PCTP: variants seen among roughly 807,000 people sequenced by gnomAD.
PCTP encodes the protein START domain-containing protein 2.
Under a neutral mutation model 31.0 loss-of-function variants are expected in PCTP, and 27 were observed. The ratio of observed to expected loss-of-function variants is 0.87; its 90% confidence interval spans 0.64 to 1.20. The LOEUF is 1.20. Ranked by LOEUF, PCTP falls within the 50% of genes most tolerant of loss-of-function variation. The pLI, the probability that PCTP is intolerant of heterozygous loss-of-function variation, is 0.00. For missense variants in PCTP, 287 were observed against 268.2 expected (o/e 1.07, Z -0.49); for synonymous variants, 108 against 101.2 (o/e 1.07, Z -0.40).
intron 3 of PCTP, among the ~76,000 whole-genome samples, chr17:55,798,991 G>T (rs1024508874): frequency 6.6e-6 from 1 of 151,640 alleles, no homozygotes; most frequent in Non-Finnish European, 1.5e-5. Context: ...ATATATTTAT[G>T]TTAAATATTA....
intron 3 of PCTP, among the ~76,000 whole-genome samples, chr17:55,813,973 T>A (rs997190635): frequency 7.9e-5 from 12 of 151,632 alleles, no homozygotes; most frequent in Admixed American, 7.9e-4. Context: ...GCCTGGGAAG[T>A]CAAGGCTGCA....
chr17:55,792,912 A>G (rs139494524), intron 3 of PCTP, among the ~76,000 whole-genome samples: 12 of 152,174 alleles, frequency 7.9e-5, no homozygotes, highest in African/African-American at 2.9e-4. Context: ...GATTTTCTCA[A>G]TGGCTTTGCA....
At chr17:55,761,242 C>T (rs1021466979) in intron 1 of PCTP, among the ~76,000 whole-genome samples, 2 of 152,032 alleles carry the variant, frequency 1.3e-5, no homozygotes, top group African/African-American at 2.4e-5. Flanking sequence ...GAATATAAAA[C>T]GTTGGAAAGT....
intron 3 of PCTP, among the ~76,000 whole-genome samples, chr17:55,794,640 AT>A (rs1295684441): frequency 5.3e-5 from 8 of 152,098 alleles, no homozygotes; most frequent in Non-Finnish European, 1.0e-4. Context: ...AAAACTTGAA[AT>A]TAGAGGGCAA....
intron 3 of PCTP, among the ~76,000 whole-genome samples, chr17:55,799,652 C>T (rs1217723224): frequency 6.6e-6 from 1 of 152,062 alleles, no homozygotes; most frequent in Admixed American, 6.6e-5. Context: ...TTAGTTGATG[C>T]AGTTTCTTCA....
intron 3 of PCTP, among the ~76,000 whole-genome samples, chr17:55,819,446 T>G (rs907975056): frequency 1.3e-5 from 2 of 152,154 alleles, no homozygotes; most frequent in African/African-American, 4.8e-5. Flanking sequence ...GTTCCTGATA[T>G]AAAAATTTAC....
At chr17:55,791,204 A>G (rs1007117742) in intron 3 of PCTP, among the ~76,000 whole-genome samples, 2 of 152,082 alleles carry the variant, frequency 1.3e-5, no homozygotes, top group Non-Finnish European at 2.9e-5. Context: ...TAAAAACCCT[A>G]GAAGAAAACC....
chr17:55,824,094 A>G (rs1270795516), downstream of PCTP, among the ~76,000 whole-genome samples: 2 of 152,072 alleles, frequency 1.3e-5, no homozygotes, highest in Non-Finnish European at 2.9e-5. Flanking sequence ...TTCTTCCCAT[A>G]CATTCACTCA....
chr17:55,835,375 C>G (rs1226339318), intron 5 of PCTP, among the ~76,000 whole-genome samples: 1 of 152,210 alleles, frequency 6.6e-6, no homozygotes, highest in Non-Finnish European at 1.5e-5. Context: ...TGCAGTCCCA[C>G]TTTTCCTAGC....
chr17:55,767,166 T>A (rs1483434491), intron 1 of PCTP, among the ~76,000 whole-genome samples, 169 bp from the exon 2 acceptor site: 1 of 152,184 alleles, frequency 6.6e-6, no homozygotes, highest in Non-Finnish European at 1.5e-5. Flanking sequence ...ATATTAGCCC[T>A]TTGTCAGATG....
chr17:55,757,836 G>T (rs957808878), intron 1 of PCTP, among the ~76,000 whole-genome samples: 4 of 152,134 alleles, frequency 2.6e-5, no homozygotes, highest in African/African-American at 4.8e-5. Flanking sequence ...GAATACCCTA[G>T]AGATGAGATG....
chr17:55,831,965 A>G (rs1244404693), intron 5 of PCTP, among the ~76,000 whole-genome samples: 1 of 152,142 alleles, frequency 6.6e-6, no homozygotes, highest in Non-Finnish European at 1.5e-5. Context: ...AGTCCCAGCT[A>G]CTTGGAGGCT....
rs550836485 is a variant in PCTP at position 55,774,671 on chromosome 17, A to G, written c.512-121A>G. On this transcript the variant is annotated intron_variant, in intron 4 of 5. Coordinates refer to ENST00000268896, the MANE Select transcript of PCTP (RefSeq NM_021213.4). ...ATGGAGAGAAGTCCATCTGAATTAT[A>G]TGCTACCTCCCTCTGCAGTTTCTGA... The G allele has an allele frequency of 3.6e-4, 273 of 768,776 alleles. No individual in the cohort carries two copies. The African/African-American group carries it at 4.0e-3, about 11-fold the overall frequency. The allele number at this position is 768,776 out of a possible 1,614,324, so 47.6% of individuals were successfully genotyped here. A position where few individuals can be genotyped will look rare whatever the true frequency, so the allele number is the denominator to read the frequency against.
chr17:55,849,465 A>G, the PCTP span, among the ~76,000 whole-genome samples: 2 of 152,086 alleles, frequency 1.3e-5, no homozygotes, highest in East Asian at 1.9e-4. Context: ...TTTACTAAAA[A>G]TACAATAAAT....
At position 55,786,157 on chromosome 17, in the gene PCTP, G is replaced by A. The variant is rs541764760; in HGVS notation, c.229-1409G>A. Among the ~76,000 whole-genome samples, 51 of 150,256 alleles carry A rather than the reference G, an allele frequency of 3.4e-4. No individual in the cohort carries two copies. The South Asian group carries it at 0.01, about 31-fold the overall frequency. On this transcript the variant is annotated intron_variant, in intron 2 of 3. Coordinates refer to the PCTP transcript ENST00000572536. ...AAATTAGCTAGGCGTGGTGGCGCAG[G>A]CCTGTAATCCCAGCTACTCGGGAGC...
intron 3 of PCTP, among the ~76,000 whole-genome samples, chr17:55,819,153 T>C (rs1319172946): frequency 4.6e-5 from 7 of 151,802 alleles, no homozygotes; most frequent in Admixed American, 3.9e-4. Context: ...AGAAGGGAAC[T>C]TCCCCAACCT....
chr17:55,768,454 G>C (rs1330804403), intron 2 of PCTP, among the ~76,000 whole-genome samples: 2 of 152,204 alleles, frequency 1.3e-5, no homozygotes, highest in Non-Finnish European at 2.9e-5. Flanking sequence ...CTGGTTAAGA[G>C]CATTCTAGGC....
chr17:55,802,347 TC>T (rs1175851212), intron 3 of PCTP, among the ~76,000 whole-genome samples: 1 of 152,116 alleles, frequency 6.6e-6, no homozygotes, highest in South Asian at 2.1e-4. Flanking sequence ...AAAGAGGGAC[TC>T]CTCCCTAACT....
At chr17:55,828,892 G>C (rs1821761141) in intron 5 of PCTP, among the ~76,000 whole-genome samples, 1 of 152,204 alleles carries the variant, frequency 6.6e-6, no homozygotes, top group African/African-American at 2.4e-5. Context: ...GCCGGATATG[G>C]CCCCAGTCAG....
Sources: allele counts gnomAD v4.1 joint callset (sites outside exome capture counted in the v4.1 genomes callset), GRCh38; gene constraint gnomAD v4.1.1; transcripts MANE v1.5; gene names NCBI Gene and HGNC (gene_info 2026-07-23, HGNC 2026-07-21).